KCNIP4: variants seen among roughly 807,000 people sequenced by gnomAD.
KCNIP4 encodes the protein Kv channel-interacting protein 4.
KCNIP4 carries 12 observed loss-of-function variants against 34.0 expected under a neutral mutation model. The observed-to-expected ratio is 0.35, with a 90% CI of 0.23 to 0.57. The LOEUF (loss-of-function observed/expected upper bound fraction) is 0.57, where lower values mean the gene tolerates loss of function less well. Ranked by LOEUF, KCNIP4 falls within the 20% of genes least tolerant of loss-of-function variation. The probability of loss-of-function intolerance (pLI) is 0.83; values close to 1 mark genes in which losing one functional copy is unlikely to be tolerated. For synonymous variants in KCNIP4, 124 were observed against 102.2 expected (o/e 1.21, Z -1.29); for missense variants, 238 against 311.7 (o/e 0.76, Z 1.78).
intron 1 of KCNIP4, among the ~76,000 whole-genome samples, chr4:21,254,918 C>T (rs548996133): frequency 2.0e-5 from 3 of 152,294 alleles, no homozygotes; most frequent in African/African-American, 4.8e-5. Context: ...CTGTAATCAT[C>T]GCAGTCACCA....
intron 3 of KCNIP4, among the ~76,000 whole-genome samples, chr4:20,836,114 T>C (rs1719011855): frequency 6.6e-6 from 1 of 152,170 alleles, no homozygotes; most frequent in African/African-American, 2.4e-5. Context: ...TTCTCCTACT[T>C]AATCCTTTAA....
At chr4:21,454,816 T>G (rs943246750) in intron 1 of KCNIP4, among the ~76,000 whole-genome samples, 2 of 152,116 alleles carry the variant, frequency 1.3e-5, no homozygotes, top group African/African-American at 4.8e-5. Flanking sequence ...CTAAAAAAAT[T>G]CTTTTGGTTA....
At chr4:21,284,904 C>G (rs1300288004) in intron 1 of KCNIP4, among the ~76,000 whole-genome samples, 1 of 151,956 alleles carries the variant, frequency 6.6e-6, no homozygotes, top group Non-Finnish European at 1.5e-5. Context: ...CTGAGCAGAC[C>G]CCAACAGCCT....
At chr4:21,255,525 C>T (rs1761004600) in intron 1 of KCNIP4, among the ~76,000 whole-genome samples, 2 of 152,038 alleles carry the variant, frequency 1.3e-5, no homozygotes, top group African/African-American at 4.8e-5. Flanking sequence ...TCCTTAAACT[C>T]TCCCCTCCCT....
At chr4:21,225,260 T>C (rs1416875555) in intron 1 of KCNIP4, among the ~76,000 whole-genome samples, 1 of 152,288 alleles carries the variant, frequency 6.6e-6, no homozygotes, top group Non-Finnish European at 1.5e-5. Context: ...GTCCTGATTT[T>C]CATTTTTACC....
At position 21,347,746 on chromosome 4, in the gene KCNIP4, C is replaced by A. The variant is rs1578110118; in HGVS notation, c.62-465037G>T. On this transcript the variant is annotated intron_variant, in intron 1 of 8. Transcript: ENST00000382152. Reference sequence around the variant, plus strand: ...GCAGCATCTTTTTGTAATGTGACAGCATTTTCCCCCTTCATTCCTTCCTCT... The same window carrying A: ...GCAGCATCTTTTTGTAATGTGACAGAATTTTCCCCCTTCATTCCTTCCTCT... 2.6e-5 allele frequency among the ~76,000 whole-genome samples: 4 copies of A among 152,284 alleles called. 1 individual carries two copies. Among genetic ancestry groups the A allele is most frequent in the Admixed American group, 2.6e-4 (4 of 15,282 alleles).
chr4:21,137,445 T>C (rs1751586053), intron 1 of KCNIP4, among the ~76,000 whole-genome samples: 1 of 152,226 alleles, frequency 6.6e-6, no homozygotes, highest in Admixed American at 6.5e-5. Context: ...TTCATTTCTT[T>C]GTAATACAAT....
intron 2 of KCNIP4, among the ~76,000 whole-genome samples, chr4:20,880,308 C>A (rs921263151): frequency 4.6e-5 from 7 of 151,996 alleles, no homozygotes; most frequent in Non-Finnish European, 1.0e-4. Flanking sequence ...ACATGATAAA[C>A]CATTCACCTT....
chr4:21,920,250 T>C (rs28714626), intron 1 of KCNIP4, among the ~76,000 whole-genome samples: 20,690 of 152,192 alleles, frequency 0.14, 3,430 homozygotes, highest in African/African-American at 0.39. Flanking sequence ...TTTTTGTATC[T>C]GTAGGTTCCA....
At chr4:21,510,495 TG>T (rs1463620077) in intron 1 of KCNIP4, among the ~76,000 whole-genome samples, 1 of 152,122 alleles carries the variant, frequency 6.6e-6, no homozygotes, top group Non-Finnish European at 1.5e-5. Flanking sequence ...AGACAGTGGG[TG>T]TTTTTTTTTA....
chr4:20,783,307 T>A (rs887905720), intron 3 of KCNIP4, among the ~76,000 whole-genome samples: 1 of 152,198 alleles, frequency 6.6e-6, no homozygotes, highest in Non-Finnish European at 1.5e-5. Context: ...AGGTATCTTT[T>A]CAGCAACATC....
chr4:21,887,878 A>G (rs1355538237), intron 1 of KCNIP4, among the ~76,000 whole-genome samples: 6 of 152,194 alleles, frequency 3.9e-5, no homozygotes, highest in Non-Finnish European at 8.8e-5. Flanking sequence ...AGTCTTTGAA[A>G]TTACTTTTTG....
intron 3 of KCNIP4, among the ~76,000 whole-genome samples, chr4:20,828,258 C>A (rs934861499): frequency 3.9e-5 from 6 of 152,088 alleles, no homozygotes; most frequent in South Asian, 4.1e-4. Context: ...GAAACCCTGT[C>A]TCTACTAAAA....
intron 1 of KCNIP4, among the ~76,000 whole-genome samples, chr4:21,346,873 T>C (rs575654728): frequency 4.9e-4 from 74 of 152,254 alleles, no homozygotes; most frequent in African/African-American, 1.7e-3. Flanking sequence ...ATACTGCACC[T>C]CATGGTTTTA....
chr4:21,118,947 C>T (rs936434834), intron 1 of KCNIP4, among the ~76,000 whole-genome samples: 1 of 152,182 alleles, frequency 6.6e-6, no homozygotes, highest in Non-Finnish European at 1.5e-5. Context: ...ATCGTGAATT[C>T]AGTCACCATT....
At chr4:21,818,995 T>TGCCTA (rs1722160030) in intron 1 of KCNIP4, among the ~76,000 whole-genome samples, 1 of 152,096 alleles carries the variant, frequency 6.6e-6, no homozygotes, top group African/African-American at 2.4e-5. Context: ...TAATGGAAAA[T>TGCCTA]GCCTACTCTG....
rs193178143 is a variant in KCNIP4 at position 21,022,059 on chromosome 4, C to T, written c.62-139350G>A. Among the ~76,000 whole-genome samples the T allele has an allele frequency of 4.8e-3, 727 of 152,050 alleles. 10 individuals are homozygous for T. Among genetic ancestry groups the T allele is most frequent in the African/African-American group, 0.017 (690 of 41,498 alleles). On this transcript the variant is annotated intron_variant, in intron 1 of 8. Transcript: ENST00000382152. Reference sequence around the variant, plus strand: ...AAAACACTGAGTTATGATGTTATGGCGGCTACAATTTCATATGTGATAGTA... The same window carrying T: ...AAAACACTGAGTTATGATGTTATGGTGGCTACAATTTCATATGTGATAGTA...
At chr4:20,986,889 C>T (rs1736626550) in intron 1 of KCNIP4, among the ~76,000 whole-genome samples, 1 of 152,106 alleles carries the variant, frequency 6.6e-6, no homozygotes, top group Admixed American at 6.5e-5. Flanking sequence ...ATTGGAGGTC[C>T]AGCCCTTTCC....
intron 1 of KCNIP4, among the ~76,000 whole-genome samples, chr4:21,389,180 C>T (rs1381811847): frequency 5.9e-5 from 9 of 151,886 alleles, no homozygotes; most frequent in African/African-American, 2.2e-4. Flanking sequence ...GGGGTTTCAC[C>T]GTGTTGCCCA....
Sources: allele counts gnomAD v4.1 joint callset (sites outside exome capture counted in the v4.1 genomes callset), GRCh38; gene constraint gnomAD v4.1.1; transcripts MANE v1.5; gene names NCBI Gene and HGNC (gene_info 2026-07-23, HGNC 2026-07-21).